KCNE3: variants seen among roughly 807,000 people sequenced by gnomAD.
The protein encoded by KCNE3 is potassium voltage-gated channel subfamily E regulatory subunit 3.
KCNE3 carries 2 observed loss-of-function variants against 4.3 expected under a neutral mutation model. That is an observed-to-expected ratio of 0.47 (90% CI 0.19 to 1.48). The LOEUF is 1.48. Ranked by LOEUF, KCNE3 falls within the 40% of genes most tolerant of loss-of-function variation. KCNE3 has a pLI of 0.25. For synonymous variants in KCNE3, 47 were observed against 52.0 expected (o/e 0.90, Z 0.41); for missense variants, 128 against 136.8 (o/e 0.94, Z 0.32).
At chr11:74,459,579 C>T (rs1863906136) in intron 2 of KCNE3, among the ~76,000 whole-genome samples, 1 of 152,062 alleles carries the variant, frequency 6.6e-6, no homozygotes, top group Admixed American at 6.5e-5. Flanking sequence ...AGACTTGCAT[C>T]CTTGTCTCTG....
chr11:74,461,589 C>T (rs1863954694), intron 2 of KCNE3, among the ~76,000 whole-genome samples: 1 of 152,082 alleles, frequency 6.6e-6, no homozygotes, highest in South Asian at 2.1e-4. Flanking sequence ...CACCACTGCA[C>T]TCCAGCCTGG....
At position 74,457,131 on chromosome 11, in the gene KCNE3, T is replaced by C; in HGVS notation, c.*121A>G. The C allele has an allele frequency of 2.0e-6, 2 of 990,846 alleles. No homozygotes were observed. The highest frequency in any genetic ancestry group is 5.2e-5 in the East Asian group (2 of 38,466). 61.4% of individuals were successfully genotyped at this position (990,846 alleles called of 1,614,324 possible). On this transcript the variant is annotated 3_prime_UTR_variant, in exon 3 of 3. Transcript: ENST00000310128. The stretch of plus-strand genomic sequence containing the variant: ...CCCCAGTGACGACCTCCCTTAACCG[T>C]GTTTCTTGTTGATCTTACAGATAGG...
chr11:74,464,924 T>C (rs1330462001), intron 1 of KCNE3, among the ~76,000 whole-genome samples: 1 of 152,194 alleles, frequency 6.6e-6, no homozygotes. Context: ...CCCTTCCTCT[T>C]TTTACCTGCC....
At chr11:74,464,111 T>C (rs990474225) in intron 1 of KCNE3, among the ~76,000 whole-genome samples, 8 of 152,200 alleles carry the variant, frequency 5.3e-5, no homozygotes, top group African/African-American at 9.6e-5. Flanking sequence ...CTATTTCCCA[T>C]ACATTCACAG....
chr11:74,459,687 C>T lies in KCNE3; in HGVS notation c.-40-2084G>A, dbSNP rs531578845. Among the ~76,000 whole-genome samples the T allele has an allele frequency of 1.1e-4, 16 of 152,276 alleles. No individual in the cohort carries two copies. The South Asian group carries it at 3.3e-3, about 32-fold the overall frequency. On this transcript the variant is annotated intron_variant, in intron 2 of 2. Transcript: ENST00000310128. ...CCCACCTCTCAGCCACACTACACTGCCTTTATCATCACAGCCTTCCCTTCC... is the reference window on the plus strand; with the variant it reads ...CCCACCTCTCAGCCACACTACACTGTCTTTATCATCACAGCCTTCCCTTCC...
In KCNE3 at chr11:74,457,125, TA is replaced by T. The variant is rs1017402039; in HGVS notation, c.*126del. On this transcript the variant is annotated 3_prime_UTR_variant, in exon 3 of 3. Transcript: ENST00000310128. Reference sequence around the variant, plus strand: ...CTCCCACCCCAGTGACGACCTCCCTTAACCGTGTTTCTTGTTGATCTTACAG... The same window carrying T: ...CTCCCACCCCAGTGACGACCTCCCTTACCGTGTTTCTTGTTGATCTTACAG... The T allele has an allele frequency of 1.0e-6, 1 of 963,906 alleles. No homozygotes were observed. Among genetic ancestry groups the T allele is most frequent in the Non-Finnish European group, 1.6e-6 (1 of 615,478 alleles). 59.7% of individuals were successfully genotyped at this position (963,906 alleles called of 1,614,324 possible).
At chr11:74,461,487 C>T (rs7131421) in intron 2 of KCNE3, among the ~76,000 whole-genome samples, 24,677 of 151,582 alleles carry the variant, frequency 0.16, 2,294 homozygotes, top group Admixed American at 0.27. Context: ...AAAAATTAGC[C>T]GGGTACACGC....
intron 1 of KCNE3, among the ~76,000 whole-genome samples, chr11:74,465,765 A>C (rs1257867009): frequency 6.6e-6 from 1 of 152,118 alleles, no homozygotes; most frequent in East Asian, 1.9e-4. Context: ...TGCCCTGCCT[A>C]CCACACATGA....
intron 2 of KCNE3, among the ~76,000 whole-genome samples, chr11:74,460,192 G>A (rs1280383091): frequency 6.6e-6 from 1 of 152,184 alleles, no homozygotes; most frequent in Non-Finnish European, 1.5e-5. Flanking sequence ...GGATGGAGGA[G>A]GGGAAAAGAA....
At chr11:74,461,292 T>TTTTG (rs1491211719) in intron 2 of KCNE3, among the ~76,000 whole-genome samples, 27 of 148,478 alleles carry the variant, frequency 1.8e-4, no homozygotes, top group South Asian at 1.3e-3. Context: ...TTTTTATGTT[T>TTTTG]TGTGTGTGTG....
At chr11:74,457,796 T>C (rs758279787) in intron 2 of KCNE3, among the ~76,000 whole-genome samples, 193 bp from the exon 3 acceptor site, 1 of 152,278 alleles carries the variant, frequency 6.6e-6, no homozygotes, top group East Asian at 1.9e-4. Context: ...AGGAGGTAAC[T>C]GAATCATGGG....
intron 1 of KCNE3, among the ~76,000 whole-genome samples, chr11:74,466,551 G>T (rs1167533413): frequency 6.6e-6 from 1 of 152,212 alleles, no homozygotes; most frequent in Non-Finnish European, 1.5e-5. Flanking sequence ...TTTGGTCTCT[G>T]TTGTAACCTT....
chr11:74,459,502 T>C (rs1362688880), intron 2 of KCNE3, among the ~76,000 whole-genome samples: 2 of 152,102 alleles, frequency 1.3e-5, no homozygotes, highest in African/African-American at 4.8e-5. Flanking sequence ...GACTTTGTGA[T>C]TCGCCCACCT....
chr11:74,466,559 C>T (rs1230266147), intron 1 of KCNE3, among the ~76,000 whole-genome samples: 2 of 152,168 alleles, frequency 1.3e-5, no homozygotes, highest in African/African-American at 4.8e-5. Context: ...CTGTTGTAAC[C>T]TTAGGTAAAT....
At chr11:74,460,687 G>A (rs1471043635) in intron 2 of KCNE3, among the ~76,000 whole-genome samples, 2 of 152,196 alleles carry the variant, frequency 1.3e-5, no homozygotes, top group East Asian at 1.9e-4. Flanking sequence ...GTAGGATGTG[G>A]GGCAGGAGAG....
chr11:74,466,956 T>A (rs1176753982), intron 1 of KCNE3, among the ~76,000 whole-genome samples: 1 of 152,112 alleles, frequency 6.6e-6, no homozygotes, highest in Non-Finnish European at 1.5e-5. Context: ...CAGTGAGGTG[T>A]AGAGGGAATG....
chr11:74,465,801 A>T (rs566764879), intron 1 of KCNE3, among the ~76,000 whole-genome samples: 1 of 152,276 alleles, frequency 6.6e-6, no homozygotes, highest in Admixed American at 6.5e-5. Context: ...AGAGATGGGA[A>T]TGTTTTAGAA....
Position 74,457,037 on chromosome 11 carries a change from A to G in KCNE3, c.*215T>C, listed in dbSNP as rs1863832490. Reference sequence around the variant, plus strand: ...TTGTTCATGGGCTCCCACTGTTTATAAAGTCTATCTTTTCCTGGGAAAAAA... The same window carrying G: ...TTGTTCATGGGCTCCCACTGTTTATGAAGTCTATCTTTTCCTGGGAAAAAA... On this transcript the variant is annotated 3_prime_UTR_variant, in exon 3 of 3. Transcript: ENST00000310128. The G allele has an allele frequency of 1.7e-6, 1 of 601,448 alleles. No homozygotes were observed. The highest frequency in any genetic ancestry group is 3.0e-6 in the Non-Finnish European group (1 of 338,274). The allele number at this position is 601,448 out of a possible 1,614,324, so 37.3% of individuals were successfully genotyped here.
At position 74,457,005 on chromosome 11, in the gene KCNE3, T is replaced by C. The variant is rs1591222675; in HGVS notation, c.*247A>G. On this transcript the variant is annotated 3_prime_UTR_variant, in exon 3 of 3. Coordinates refer to ENST00000310128, the MANE Select transcript of KCNE3 (RefSeq NM_005472.5). ...ATTGGTCATTATCTGTTGCTACTTT[T>C]ATATGTTTGTTCATGGGCTCCCACT... 1 of 557,790 alleles carries C rather than the reference T, an allele frequency of 1.8e-6. No homozygotes were observed. The highest frequency in any genetic ancestry group is 2.1e-5 in the South Asian group (1 of 47,616). 34.6% of individuals were successfully genotyped at this position (557,790 alleles called of 1,614,324 possible). A position where few individuals can be genotyped will look rare whatever the true frequency, so the allele number is the denominator to read the frequency against.
Sources: gnomAD v4.1 joint callset for allele counts (sites outside exome capture counted in the v4.1 genomes callset) on GRCh38, gnomAD v4.1.1 for gene constraint, MANE v1.5 for transcripts, NCBI Gene and HGNC (gene_info 2026-07-23, HGNC 2026-07-21) for gene names.